The following OTUD7B variants were observed in gnomAD, a reference collection of about 807,000 sequenced individuals.
OTUD7B encodes the protein OTU domain-containing protein 7B.
A neutral mutation model predicts 82.2 loss-of-function variants in OTUD7B; 34 were observed. The observed-to-expected ratio is 0.41, with a 90% confidence interval of 0.31 to 0.55. OTUD7B has a LOEUF of 0.55. OTUD7B is among the 20% of genes least tolerant of loss of function. The pLI, the probability that OTUD7B is intolerant of heterozygous loss-of-function variation, is 0.20. For synonymous variants in OTUD7B, 398 were observed against 402.7 expected (o/e 0.99, Z 0.14); for missense variants, 944 against 1,062.1 (o/e 0.89, Z 1.55).
rs1388877490 is a variant in OTUD7B at position 149,951,001 on chromosome 1, T to TTTTTTTTTTTTTTG, written c.846-781_846-780insCAAAAAAAAAAAAA. Among the ~76,000 whole-genome samples, 33 of 63,718 alleles carry TTTTTTTTTTTTTTG rather than the reference T, an allele frequency of 5.2e-4. 7 individuals are homozygous for TTTTTTTTTTTTTTG. Among genetic ancestry groups the TTTTTTTTTTTTTTG allele is most frequent in the East Asian group, 1.0e-3 (2 of 1,914 alleles). 41.8% of individuals were successfully genotyped at this position (63,718 alleles called of 152,430 possible). A position where few individuals can be genotyped will look rare whatever the true frequency, so the allele number is the denominator to read the frequency against. On this transcript the variant is annotated intron_variant, in intron 7 of 11. Coordinates refer to ENST00000581312, the MANE Select transcript of OTUD7B (RefSeq NM_020205.4). ...TATTTTTTTTTTTTTTTTTTTTTTGTAGATGGAGTCTCACTCTTTCGCCCA... is the reference window on the plus strand; with the variant it reads ...TATTTTTTTTTTTTTTTTTTTTTTGTTTTTTTTTTTTTTGAGATGGAGTCTCACTCTTTCGCCCA...
At chr1:150,019,370 T>C in the OTUD7B span, among the ~76,000 whole-genome samples, 1 of 152,090 alleles carries the variant, frequency 6.6e-6, no homozygotes, top group Admixed American at 6.5e-5. Context: ...TGTTTGTTTG[T>C]TTGTTTGTTT....
At chr1:150,033,373 G>A in the OTUD7B span, among the ~76,000 whole-genome samples, 2 of 151,874 alleles carry the variant, frequency 1.3e-5, no homozygotes, top group Non-Finnish European at 2.9e-5. Context: ...CTTCCCTCCA[G>A]CCTCCCAAAC....
At chr1:150,057,064 A>G in the OTUD7B span, among the ~76,000 whole-genome samples, 1 of 152,202 alleles carries the variant, frequency 6.6e-6, no homozygotes, top group African/African-American at 2.4e-5. Context: ...CACCAATGAT[A>G]AGATATATCA....
chr1:149,950,788 T>TTG (rs1341026413), intron 7 of OTUD7B, among the ~76,000 whole-genome samples: 2 of 974 alleles, frequency 2.1e-3, no homozygotes, highest in African/African-American at 0.011. Context: ...GTGTGTTTTT[T>TTG]GTTTTTTTTT....
chr1:150,014,080 G>A (rs1223186663), upstream of OTUD7B, among the ~76,000 whole-genome samples: 1,784 of 26,818 alleles, frequency 0.067, 48 homozygotes, highest in African/African-American at 0.18. Context: ...GTGTGTGTGT[G>A]TGTGTATATA....
the OTUD7B span, among the ~76,000 whole-genome samples, chr1:150,043,045 CAAT>C: frequency 6.6e-6 from 1 of 152,102 alleles, no homozygotes; most frequent in Non-Finnish European, 1.5e-5. Context: ...ACATTTCCAA[CAAT>C]GATTCTCAAA....
intron 1 of OTUD7B, among the ~76,000 whole-genome samples, chr1:150,000,640 C>T (rs1226806364): frequency 6.6e-6 from 1 of 152,032 alleles, no homozygotes; most frequent in South Asian, 2.1e-4. Context: ...CATACATGAT[C>T]CTATTTATGT....
In OTUD7B at chr1:149,965,882, T is replaced by C. The variant is rs1649492097; in HGVS notation, c.503-4A>G. ...CTCACCCACCAGTTCAAACGCCCTG[T>C]AGAAACAAGATAGTGGAGGAAAAGG... On this transcript the variant is annotated splice_region_variant and splice_polypyrimidine_tract_variant and intron_variant, in intron 4 of 11. Transcript: ENST00000581312. 1 of 1,611,474 alleles carries C rather than the reference T, an allele frequency of 6.2e-7. No individual in the cohort carries two copies. The highest frequency in any genetic ancestry group is 8.5e-7 in the Non-Finnish European group (1 of 1,177,740).
intron 2 of OTUD7B, among the ~76,000 whole-genome samples, chr1:149,974,013 C>T (rs1031804911): frequency 2.0e-5 from 3 of 152,038 alleles, no homozygotes; most frequent in Non-Finnish European, 2.9e-5. Context: ...CGCGTCACCA[C>T]GCCCGGCCAA....
chr1:150,059,127 C>A, the OTUD7B span, among the ~76,000 whole-genome samples: 1 of 142,688 alleles, frequency 7.0e-6, no homozygotes, highest in East Asian at 2.0e-4. Flanking sequence ...GATCTCGGCT[C>A]ACTGCAACCT....
At chr1:149,984,765 C>T (rs587684903) in intron 1 of OTUD7B, among the ~76,000 whole-genome samples, 1 of 152,162 alleles carries the variant, frequency 6.6e-6, no homozygotes, top group Non-Finnish European at 1.5e-5. Flanking sequence ...CCTATTGTAG[C>T]AAATAGTCCC....
intron 7 of OTUD7B, among the ~76,000 whole-genome samples, chr1:149,957,481 T>C (rs1648773100): frequency 6.6e-6 from 1 of 152,038 alleles, no homozygotes; most frequent in Non-Finnish European, 1.5e-5. Context: ...TACTCGGGGG[T>C]CAGGGACCCA....
intron 7 of OTUD7B, among the ~76,000 whole-genome samples, chr1:149,959,118 A>C (rs1490578765): frequency 3.9e-5 from 6 of 151,990 alleles, no homozygotes; most frequent in Admixed American, 2.0e-4. Flanking sequence ...GCTACTTGGG[A>C]GGCTGAAACA....
intron 1 of OTUD7B, among the ~76,000 whole-genome samples, chr1:149,982,196 C>T (rs1650800878): frequency 6.6e-6 from 1 of 151,458 alleles, no homozygotes; most frequent in African/African-American, 2.4e-5. Context: ...AACATTCTTA[C>T]TCATTAATGA....
Position 149,944,075 on chromosome 1 carries a change from C to A in OTUD7B, c.2314G>T (p.Ala772Ser). The change falls in exon 12 of 12, where the codon GCT becomes TCT. Residue 772 changes from alanine (A) to serine (S), a missense_variant. By Grantham distance (99) the Ala-to-Ser change is moderately conservative. Transcript: ENST00000581312. ...CTGTAGCCATTGCTATAGGAATCAG[C>A]CACTCGGTAGGGGGGTGGTAACAAG... ...GALLPPPYRV[A>S]DSYSNGYREP... The A allele has an allele frequency of 6.2e-7, 1 of 1,614,158 alleles. No homozygotes were observed. Among genetic ancestry groups the A allele is most frequent in the Non-Finnish European group, 8.5e-7 (1 of 1,180,012 alleles).
the OTUD7B span, among the ~76,000 whole-genome samples, chr1:150,059,303 C>G: frequency 2.6e-5 from 1 of 38,574 alleles, no homozygotes; most frequent in Non-Finnish European, 8.3e-5. Flanking sequence ...TCCACCCCCC[C>G]CCCCCCCGCC....
rs1648195206 is a variant in OTUD7B, at chr1:149,950,989, T to TTTTTG, written c.846-769_846-768insCAAAA. On this transcript the variant is annotated intron_variant, in intron 7 of 11. Coordinates refer to ENST00000581312, the MANE Select transcript of OTUD7B (RefSeq NM_020205.4). ...TTGTACTTTTTGTATTTTTTTTTTT[T>TTTTTG]TTTTTTTTTTGTAGATGGAGTCTCA... Among the ~76,000 whole-genome samples, 2 of 262 alleles carry TTTTTG rather than the reference T, an allele frequency of 7.6e-3. 1 individual carries two copies. The highest frequency in any genetic ancestry group is 0.025 in the Non-Finnish European group (2 of 80). The allele number at this position is 262 out of a possible 152,430, so 0.2% of individuals were successfully genotyped here.
the OTUD7B span, chr1:150,048,388 C>T: frequency 2.0e-5 from 3 of 152,030 alleles, no homozygotes; most frequent in African/African-American, 7.2e-5. Flanking sequence ...GGTTTCATAC[C>T]ATTGCTAACA....
rs1200252607 is a variant in OTUD7B, at chr1:149,939,488, A to G, written c.*4369T>C. ...GTAGAAGAGACAGAATGCCTGCATG[A>G]CTCATCCAGATCTATAGTTGAAAGG... On this transcript the variant is annotated 3_prime_UTR_variant, in exon 12 of 12. Coordinates refer to ENST00000581312, the MANE Select transcript of OTUD7B (RefSeq NM_020205.4). 3.9e-5 allele frequency: 6 copies of G among 152,236 alleles called. No homozygotes were observed. Among genetic ancestry groups the G allele is most frequent in the African/African-American group, 1.4e-4 (6 of 41,548 alleles). 9.4% of individuals were successfully genotyped at this position (152,236 alleles called of 1,614,324 possible).
Sources: gnomAD v4.1 joint callset for allele counts (sites outside exome capture counted in the v4.1 genomes callset) on GRCh38, gnomAD v4.1.1 for gene constraint, MANE v1.5 for transcripts, NCBI Gene and HGNC (gene_info 2026-07-23, HGNC 2026-07-21) for gene names.